The following CTC1 variants were observed in gnomAD, a reference collection of about 807,000 sequenced individuals.
The protein encoded by CTC1 is CST telomere replication complex component 1.
A neutral mutation model predicts 136.3 loss-of-function variants in CTC1; 91 were observed. The ratio of observed to expected loss-of-function variants is 0.67; its 90% CI spans 0.56 to 0.79. The LOEUF is 0.79. Among genes scored for constraint, CTC1 ranks in the 30% least tolerant of loss-of-function variants. The pLI is 0.00. For synonymous variants in CTC1, 606 were observed against 613.8 expected, an observed-to-expected ratio of 0.99 and a Z score of 0.19; for missense variants, 1,432 against 1,498.1, an observed-to-expected ratio of 0.96 and a Z score of 0.73.
At position 8,226,117 on chromosome 17, in the gene CTC1, C is replaced by T. The variant is rs184572690; in HGVS notation, c.*2063G>A. 1 of 152,262 alleles carries T rather than the reference C, an allele frequency of 6.6e-6. No homozygotes were observed. The highest frequency in any genetic ancestry group is 2.4e-5 in the African/African-American group (1 of 41,546). 9.4% of individuals were successfully genotyped at this position (152,262 alleles called of 1,614,324 possible). ...ATCTCATGGGAGTGGCAGCTTGACT[C>T]TGCAGGAAATGTGGGTGCTATGAGT... On this transcript the variant is annotated 3_prime_UTR_variant, in exon 23 of 23. Transcript: ENST00000651323.
rs1354397485 is a variant in CTC1 at position 8,229,309 on chromosome 17, C to A, written c.3149G>T (p.Cys1050Phe). The A allele has an allele frequency of 6.2e-7, 1 of 1,614,194 alleles. No homozygotes were observed. The highest frequency in any genetic ancestry group is 8.5e-7 in the Non-Finnish European group (1 of 1,180,042). The part of the protein sequence containing the change: ...FWVCAYCTSI[C>F]RQGKCTRLGS... ...GTTCCTTCCCTCCCTTACCTGCCGG[C>A]AGATGCTGGTACAATAAGCACACAC... is the stretch of plus-strand genomic sequence containing the variant. Residue 1050 changes from cysteine to phenylalanine, a missense_variant, in exon 19 of 23, where the codon TGC (cysteine) becomes TTC (phenylalanine). Transcript: ENST00000651323.
At chr17:8,242,549 AAAAAATAT>A (rs1479489581) in intron 2 of CTC1, among the ~76,000 whole-genome samples, 65 of 77,658 alleles carry the variant, frequency 8.4e-4, no homozygotes, top group South Asian at 2.0e-3. Flanking sequence ...AAAAAAAAAA[AAAAAATAT>A]ATATATATAT....
In CTC1 at chr17:8,230,552, A is replaced by G. The variant is rs1277160232; in HGVS notation, c.2758+11T>C. 6.2e-7 allele frequency: 1 copy of G among 1,614,060 alleles called. No individual in the cohort carries two copies. Among genetic ancestry groups the G allele is most frequent in the Admixed American group, 1.7e-5 (1 of 60,020 alleles). On this transcript the variant is annotated intron_variant, in intron 16 of 22. Coordinates refer to ENST00000651323, the MANE Select transcript of CTC1 (RefSeq NM_025099.6). Reference sequence around the variant, plus strand: ...TATTTCATACCTTCCCCACAAAGGAAGGGTCATTACCCAGTTTCATCCAGA... The same window carrying G: ...TATTTCATACCTTCCCCACAAAGGAGGGGTCATTACCCAGTTTCATCCAGA...
At chr17:8,233,127 A>C (rs1987388289) in intron 10 of CTC1, 95 bp from the exon 11 acceptor site, 2 of 1,384,686 alleles carry the variant, frequency 1.4e-6, no homozygotes. Flanking sequence ...GTAAAGCTAC[A>C]AAATGAACAA....
intron 2 of CTC1, among the ~76,000 whole-genome samples, chr17:8,242,561 T>TATATATATATATATATATACAC (rs1988359632): frequency 8.9e-6 from 1 of 112,654 alleles, no homozygotes; most frequent in Non-Finnish European, 1.8e-5. Context: ...AAAATATATA[T>TATATATATATATATATATACAC]ATATATATAT....
At chr17:8,237,274 G>T in intron 5 of CTC1, 101 bp downstream of exon 5, 1 of 1,355,364 alleles carries the variant, frequency 7.4e-7, no homozygotes, top group Non-Finnish European at 1.0e-6. Context: ...CTCCCCAGCT[G>T]TCCTCCTTTC....
At position 8,234,669 on chromosome 17, in the gene CTC1, A is replaced by G. The variant is rs767597943; in HGVS notation, c.1618-14T>C. On this transcript the variant is annotated splice_polypyrimidine_tract_variant and intron_variant, in intron 9 of 22. Transcript: ENST00000651323. ...CAGCCGAGTGTACTGTCAAGGAGGG[A>G]AGAGAAATCGGGTGTGTGTCCCATG... The G allele has an allele frequency of 2.5e-6, 4 of 1,599,246 alleles. No individual in the cohort carries two copies. The highest frequency in any genetic ancestry group is 2.6e-6 in the Non-Finnish European group (3 of 1,171,004).
chr17:8,234,332 G>A (rs1043120131), intron 10 of CTC1, 123 bp downstream of exon 10: 2 of 927,110 alleles, frequency 2.2e-6, no homozygotes, highest in Non-Finnish European at 3.4e-6. Flanking sequence ...AACAGATGAA[G>A]TGGTCTGCTT....
At chr17:8,241,866 AAAG>A (rs1988249137) in intron 2 of CTC1, among the ~76,000 whole-genome samples, 1 of 151,290 alleles carries the variant, frequency 6.6e-6, no homozygotes, top group African/African-American at 2.4e-5. Context: ...AAAAAAAAAA[AAAG>A]CAAATCACGG....
intron 2 of CTC1, among the ~76,000 whole-genome samples, chr17:8,241,529 C>G (rs1359424889): frequency 6.6e-6 from 1 of 151,252 alleles, no homozygotes; most frequent in African/African-American, 2.4e-5. Flanking sequence ...TCACTTGAAC[C>G]CAGGAGGCAG....
chr17:8,241,849 C>CAAAAAAAAAA, intron 2 of CTC1, among the ~76,000 whole-genome samples: 1 of 96,352 alleles, frequency 1.0e-5, no homozygotes, highest in Non-Finnish European at 1.9e-5. Context: ...GACCCTGTCT[C>CAAAAAAAAAA]AAAAAAAAAA....
In CTC1 at chr17:8,234,912, A is replaced by G. The variant is rs1160711871; in HGVS notation, c.1454T>C (p.Val485Ala). 1 of 1,601,892 alleles carries G rather than the reference A, an allele frequency of 6.2e-7. No individual in the cohort carries two copies. The highest frequency in any genetic ancestry group is 8.5e-7 in the Non-Finnish European group (1 of 1,173,652). ...TTGCAGGAACTGGTGGTGTCTCAGC[A>G]CATGGGGACACAGCCTTGGCCAGGA... is the stretch of plus-strand genomic sequence containing the variant. ...EELACKLCPH[V>A]LRHHQFLQHS... is the part of the protein sequence containing the mutation. The change falls in exon 9 of 23, where the codon GTG (valine) becomes GCG (alanine). Residue 485 changes from valine to alanine, a missense_variant. Transcript: ENST00000651323.
rs1199701033 is a variant in CTC1, at chr17:8,232,913, C to T, written c.1938G>A (p.Arg646=). The change falls in exon 11 of 23, where the codon CGG becomes CGA. Residue 646 remains arginine (R), a synonymous_variant. Coordinates refer to ENST00000651323, the MANE Select transcript of CTC1 (RefSeq NM_025099.6). ...AKHSQPLSDP[R]LIGCLVRAER... Reference sequence around the variant, plus strand: ...CACATCTGAACTCCAAACCTATCAGCCGTGGGTCACTGAGGGGTTGAGAGT... The same window carrying T: ...CACATCTGAACTCCAAACCTATCAGTCGTGGGTCACTGAGGGGTTGAGAGT... 3 of 1,613,896 alleles carry T rather than the reference C, an allele frequency of 1.9e-6. No individual in the cohort carries two copies. Among genetic ancestry groups the T allele is most frequent in the Non-Finnish European group, 2.5e-6 (3 of 1,179,958 alleles).
At chr17:8,232,771 C>T (rs778310082) in intron 11 of CTC1, 135 bp downstream of exon 11, 60 of 1,179,976 alleles carry the variant, frequency 5.1e-5, no homozygotes, top group African/African-American at 2.0e-4. Flanking sequence ...CCATACAAGT[C>T]TCCCAGAAGT....
chr17:8,244,100 T>C (rs968729449), intron 1 of CTC1, among the ~76,000 whole-genome samples: 2 of 152,134 alleles, frequency 1.3e-5, no homozygotes, highest in African/African-American at 4.8e-5. Flanking sequence ...GAGTAAGACA[T>C]AGTGCCATAC....
At chr17:8,229,252 A>G in intron 19 of CTC1, 46 bp from the exon 20 acceptor site, 1 of 1,614,060 alleles carries the variant, frequency 6.2e-7, no homozygotes, top group Non-Finnish European at 8.5e-7. Context: ...GTCCCATCAC[A>G]TCCCTCTGGC....
intron 2 of CTC1, among the ~76,000 whole-genome samples, chr17:8,240,622 G>A (rs1477643115): frequency 2.6e-5 from 4 of 151,992 alleles, no homozygotes; most frequent in African/African-American, 9.7e-5. Flanking sequence ...GCTCATGCCT[G>A]TAATCCCAGC....
chr17:8,233,106 T>C, intron 10 of CTC1, 74 bp from the exon 11 acceptor site: 1 of 1,512,472 alleles, frequency 6.6e-7, no homozygotes, highest in Non-Finnish European at 9.1e-7. Flanking sequence ...TGCCAGATGC[T>C]GTATTACATG....
In CTC1 at chr17:8,232,989, A is replaced by T; in HGVS notation, c.1862T>A (p.Leu621Gln). 1 of 1,614,216 alleles carries T rather than the reference A, an allele frequency of 6.2e-7. No individual in the cohort carries two copies. The highest frequency in any genetic ancestry group is 1.1e-5 in the South Asian group (1 of 91,086). Residue 621 changes from leucine (L) to glutamine (Q), a missense_variant, in exon 11 of 23, where the codon CTG becomes CAG. Transcript: ENST00000651323. ...VLVASSHKGCLQLRDQSGSLP... is the reference protein window; with the variant it reads ...VLVASSHKGCQQLRDQSGSLP... ...GGAACCACTTTGGTCCCGAAGTTGC[A>T]GACAACCTTTATGAGATGAAGCCAC...
Sources: allele counts gnomAD v4.1 joint callset (sites outside exome capture counted in the v4.1 genomes callset), GRCh38; gene constraint gnomAD v4.1.1; transcripts MANE v1.5; gene names NCBI Gene and HGNC (gene_info 2026-07-23, HGNC 2026-07-21).